SYNDIG1: variants seen among roughly 807,000 people sequenced by gnomAD.
SYNDIG1 encodes synapse differentiation inducing 1, also known as synapse differentiation-inducing gene protein 1.
Under a neutral mutation model 19.4 loss-of-function variants are expected in SYNDIG1, and 9 were observed. The ratio of observed to expected loss-of-function variants is 0.46; its 90% CI spans 0.28 to 0.81. The LOEUF (loss-of-function observed/expected upper bound fraction) is 0.81. Among genes scored for constraint, SYNDIG1 ranks in the 30% least tolerant of loss-of-function variants. The probability of loss-of-function intolerance (pLI) is 0.12; values close to 1 mark genes in which losing one functional copy is unlikely to be tolerated. For synonymous variants in SYNDIG1, 141 were observed against 145.9 expected, an observed-to-expected ratio of 0.97 and a Z score of 0.24; for missense variants, 311 against 343.3, an observed-to-expected ratio of 0.91 and a Z score of 0.74.
At chr20:24,569,952 G>T (rs1245947805) in intron 2 of SYNDIG1, among the ~76,000 whole-genome samples, 1 of 152,198 alleles carries the variant, frequency 6.6e-6, no homozygotes, top group Admixed American at 6.5e-5. Context: ...GTATCTATTT[G>T]AAGTGCAGGT....
At chr20:24,612,728 A>T (rs1197197946) in intron 3 of SYNDIG1, among the ~76,000 whole-genome samples, 2 of 152,216 alleles carry the variant, frequency 1.3e-5, no homozygotes, top group African/African-American at 4.8e-5. Flanking sequence ...GAAGGGTTCC[A>T]GCTCTTAGTG....
At chr20:24,617,682 A>G (rs1222115644) in intron 3 of SYNDIG1, among the ~76,000 whole-genome samples, 1 of 151,992 alleles carries the variant, frequency 6.6e-6, no homozygotes, top group Non-Finnish European at 1.5e-5. Context: ...CCAAAAGAGT[A>G]GGCGAACCCA....
chr20:24,531,516 A>C (rs151024756), intron 1 of SYNDIG1, among the ~76,000 whole-genome samples: 2 of 152,292 alleles, frequency 1.3e-5, no homozygotes, highest in Admixed American at 6.5e-5. Context: ...TTCTTTATTC[A>C]TGCATTTGTT....
At chr20:24,497,448 A>C (rs2056331905) in intron 1 of SYNDIG1, among the ~76,000 whole-genome samples, 2 of 152,106 alleles carry the variant, frequency 1.3e-5, no homozygotes, top group Admixed American at 1.3e-4. Flanking sequence ...AGATCTGCCC[A>C]CCTTGGCCTC....
chr20:24,625,646 C>T (rs922985542), intron 3 of SYNDIG1, among the ~76,000 whole-genome samples: 2 of 151,858 alleles, frequency 1.3e-5, no homozygotes, highest in African/African-American at 4.8e-5. Context: ...CCTGAGTGGA[C>T]ACAGCACATG....
At chr20:24,619,915 T>C (rs1600762678) in intron 3 of SYNDIG1, among the ~76,000 whole-genome samples, 1 of 152,224 alleles carries the variant, frequency 6.6e-6, no homozygotes, top group Admixed American at 6.5e-5. Context: ...CCCTGCATGA[T>C]GCAAGGCATG....
intron 3 of SYNDIG1, 116 bp downstream of exon 3, chr20:24,585,109 C>A: frequency 7.3e-7 from 1 of 1,370,328 alleles, no homozygotes; most frequent in African/African-American, 1.4e-5. Flanking sequence ...CCTGCTACAG[C>A]TGGGTCGGCA....
At chr20:24,551,493 C>T (rs1013752231) in intron 2 of SYNDIG1, among the ~76,000 whole-genome samples, 1 of 151,482 alleles carries the variant, frequency 6.6e-6, no homozygotes, top group African/African-American at 2.4e-5. Context: ...TAATTTTTTA[C>T]TCAGATATTT....
At chr20:24,475,737 G>A (rs2146204517) in intron 1 of SYNDIG1, among the ~76,000 whole-genome samples, 1 of 152,326 alleles carries the variant, frequency 6.6e-6, no homozygotes, top group South Asian at 2.1e-4. Flanking sequence ...AATGCTTTCA[G>A]ACATCTCTTG....
At chr20:24,562,519 A>T (rs1028095615) in intron 2 of SYNDIG1, among the ~76,000 whole-genome samples, 1 of 152,210 alleles carries the variant, frequency 6.6e-6, no homozygotes, top group Non-Finnish European at 1.5e-5. Flanking sequence ...ATTATCTTAG[A>T]CATTCTCATC....
chr20:24,574,526 T>C (rs1321203556), intron 2 of SYNDIG1, among the ~76,000 whole-genome samples: 1 of 151,662 alleles, frequency 6.6e-6, no homozygotes, highest in African/African-American at 2.4e-5. Flanking sequence ...AATAAATAAA[T>C]AAAAATAATG....
chr20:24,545,270 G>C (rs1219587748), intron 2 of SYNDIG1, among the ~76,000 whole-genome samples: 1 of 152,124 alleles, frequency 6.6e-6, no homozygotes, highest in Non-Finnish European at 1.5e-5. Flanking sequence ...CGTGATGCCT[G>C]GGCATCTGCG....
chr20:24,647,682 A>T (rs746357512), intron 3 of SYNDIG1, among the ~76,000 whole-genome samples: 37 of 151,828 alleles, frequency 2.4e-4, no homozygotes, highest in Admixed American at 1.3e-3. Flanking sequence ...AGGCCCAGCA[A>T]GCTGGAACCT....
intron 1 of SYNDIG1, among the ~76,000 whole-genome samples, chr20:24,477,165 A>G (rs2055652639): frequency 6.6e-6 from 1 of 152,208 alleles, no homozygotes. Flanking sequence ...CTCTTGGGAC[A>G]CAAAAATGAG....
intron 1 of SYNDIG1, among the ~76,000 whole-genome samples, chr20:24,489,948 T>C (rs1006535703): frequency 2.6e-5 from 4 of 152,214 alleles, no homozygotes; most frequent in Admixed American, 6.5e-5. Flanking sequence ...GAGCCCCAGA[T>C]TCATCTGGTG....
intron 1 of SYNDIG1, among the ~76,000 whole-genome samples, chr20:24,523,050 C>G (rs2057038472): frequency 6.6e-6 from 1 of 152,148 alleles, no homozygotes; most frequent in African/African-American, 2.4e-5. Context: ...GACACACAAG[C>G]AAACTGTGTC....
intron 1 of SYNDIG1, among the ~76,000 whole-genome samples, chr20:24,477,308 A>G (rs1044855955): frequency 6.6e-6 from 1 of 151,748 alleles, no homozygotes; most frequent in Non-Finnish European, 1.5e-5. Flanking sequence ...ATGTTGGGCC[A>G]TAGCCCGTCC....
intron 3 of SYNDIG1, among the ~76,000 whole-genome samples, chr20:24,605,094 G>T (rs558534250): frequency 6.6e-6 from 1 of 152,066 alleles, no homozygotes; most frequent in African/African-American, 2.4e-5. Flanking sequence ...AACCTGTGCT[G>T]GGGTCCAGGA....
chr20:24,588,232 C>T (rs1227683736), intron 3 of SYNDIG1, among the ~76,000 whole-genome samples: 4 of 152,198 alleles, frequency 2.6e-5, no homozygotes, highest in Non-Finnish European at 5.9e-5. Flanking sequence ...TGCTGCTGGT[C>T]GTGCCCTGCT....
Sources: allele counts gnomAD v4.1 joint callset (sites outside exome capture counted in the v4.1 genomes callset), GRCh38; gene constraint gnomAD v4.1.1; transcripts MANE v1.5; gene names NCBI Gene and HGNC (gene_info 2026-07-23, HGNC 2026-07-21).